PDK1: variants seen among roughly 807,000 people sequenced by gnomAD.
The protein encoded by PDK1 is [Pyruvate dehydrogenase (acetyl-transferring)] kinase isozyme 1, mitochondrial.
Under a neutral mutation model 54.2 loss-of-function variants are expected in PDK1, and 39 were observed. The observed-to-expected ratio is 0.72, with a 90% CI of 0.56 to 0.94. The LOEUF is 0.94. Among genes scored for constraint, PDK1 ranks in the 40% least tolerant of loss-of-function variants. The probability of loss-of-function intolerance (pLI) is 0.00; values close to 1 mark genes in which losing one functional copy is unlikely to be tolerated. For synonymous variants in PDK1, 221 were observed against 207.1 expected (o/e 1.07, Z -0.58); for missense variants, 552 against 566.0 (o/e 0.98, Z 0.25).
In PDK1 at chr2:172,608,080, A is replaced by C. The variant is rs1242701915; in HGVS notation, c.*12111A>C. 3 of 152,206 alleles carry C rather than the reference A, an allele frequency of 2.0e-5. No individual in the cohort carries two copies. Among genetic ancestry groups the C allele is most frequent in the Non-Finnish European group, 2.9e-5 (2 of 68,024 alleles). The allele number at this position is 152,206 out of a possible 1,614,324, so 9.4% of individuals were successfully genotyped here. A position where few individuals can be genotyped will look rare whatever the true frequency, so the allele number is the denominator to read the frequency against. ...CTGACATTGAGACCCTTGATGCAAA[A>C]AGGTAAGTAGAAGAGAAGGCTGTAA... On this transcript the variant is annotated 3_prime_UTR_variant, in exon 11 of 11. Coordinates refer to ENST00000282077, the MANE Select transcript of PDK1 (RefSeq NM_002610.5).
At chr2:172,722,488 A>T in the PDK1 span, among the ~76,000 whole-genome samples, 1 of 152,240 alleles carries the variant, frequency 6.6e-6, no homozygotes, top group African/African-American at 2.4e-5. Flanking sequence ...CGAGAAGCTA[A>T]AAACTAGATG....
Position 172,607,304 on chromosome 2 carries a change from A to G in PDK1, c.*11335A>G, listed in dbSNP as rs1252014327. 1.3e-5 allele frequency: 2 copies of G among 152,242 alleles called. No individual in the cohort carries two copies. The highest frequency in any genetic ancestry group is 2.9e-5 in the Non-Finnish European group (2 of 68,048). The allele number at this position is 152,242 out of a possible 1,614,324, so 9.4% of individuals were successfully genotyped here. ...AGGTTGCTTCTAAAACAAAAATTTG[A>G]AATAGTAAGTGCTTTGATTTTTTTT... On this transcript the variant is annotated 3_prime_UTR_variant, in exon 11 of 11. Transcript: ENST00000282077.
chr2:172,701,368 A>G, the PDK1 span, among the ~76,000 whole-genome samples: 2 of 152,260 alleles, frequency 1.3e-5, no homozygotes, highest in African/African-American at 4.8e-5. Context: ...ACAATGGGCA[A>G]CTGTCCAAAT....
At chr2:172,611,080 G>A (rs2149331062), downstream of PDK1, among the ~76,000 whole-genome samples, 1 of 144,498 alleles carries the variant, frequency 6.9e-6, no homozygotes, top group Non-Finnish European at 1.5e-5. Flanking sequence ...GGTTTTGGTA[G>A]CGTATAAAGC....
chr2:172,711,605 C>T, the PDK1 span, among the ~76,000 whole-genome samples: 1 of 152,068 alleles, frequency 6.6e-6, no homozygotes, highest in African/African-American at 2.4e-5. Context: ...TGGCTTACAC[C>T]TGTAATCCCA....
chr2:172,620,803 A>G, the PDK1 span, among the ~76,000 whole-genome samples: 1 of 152,154 alleles, frequency 6.6e-6, no homozygotes, highest in Non-Finnish European at 1.5e-5. Context: ...TTCCACCATA[A>G]GTAAAAGTTT....
chr2:172,622,766 TGA>T, the PDK1 span, among the ~76,000 whole-genome samples: 2 of 148,370 alleles, frequency 1.3e-5, no homozygotes, highest in Admixed American at 6.8e-5. Flanking sequence ...TCTCATTATG[TGA>T]GATGTTTATA....
At chr2:172,619,117 A>G in the PDK1 span, among the ~76,000 whole-genome samples, 47 of 152,196 alleles carry the variant, frequency 3.1e-4, no homozygotes, top group Admixed American at 1.1e-3. Context: ...CTTGTATGCT[A>G]CCCTCAGGCT....
At chr2:172,704,672 T>C in the PDK1 span, among the ~76,000 whole-genome samples, 7 of 152,198 alleles carry the variant, frequency 4.6e-5, no homozygotes, top group African/African-American at 1.7e-4. Flanking sequence ...TTATGTGCTT[T>C]ATTTTAGCAC....
intron 8 of PDK1, among the ~76,000 whole-genome samples, chr2:172,581,036 A>G (rs972300682): frequency 6.6e-6 from 1 of 151,808 alleles, no homozygotes; most frequent in African/African-American, 2.4e-5. Flanking sequence ...ATATCGATGA[A>G]TATATTAAAA....
At chr2:172,570,698 T>G in intron 7 of PDK1, 28 bp from the exon 8 acceptor site, 1 of 1,336,462 alleles carries the variant, frequency 7.5e-7, no homozygotes, top group Non-Finnish European at 1.1e-6. Context: ...AAAAGCTGTA[T>G]TTTTAATACA....
At chr2:172,630,556 C>T in the PDK1 span, among the ~76,000 whole-genome samples, 1 of 152,238 alleles carries the variant, frequency 6.6e-6, no homozygotes, top group Admixed American at 6.5e-5. Flanking sequence ...TGAGTCTTAT[C>T]TACCATGTCC....
chr2:172,660,363 TCTC>T, the PDK1 span, among the ~76,000 whole-genome samples: 4 of 142,832 alleles, frequency 2.8e-5, no homozygotes, highest in Non-Finnish European at 6.0e-5. Context: ...TTCAAGCAAT[TCTC>T]CTGCCTCAGC....
At chr2:172,637,852 C>T in the PDK1 span, among the ~76,000 whole-genome samples, 88 of 152,192 alleles carry the variant, frequency 5.8e-4, 1 homozygote, top group Non-Finnish European at 4.7e-4. Flanking sequence ...CACACCACCA[C>T]GCCCAGCTAA....
the PDK1 span, among the ~76,000 whole-genome samples, chr2:172,720,515 G>C: frequency 1.3e-5 from 2 of 152,116 alleles, no homozygotes; most frequent in African/African-American, 4.8e-5. Context: ...GACTGCTATT[G>C]CTTGTTACCC....
chr2:172,627,630 C>G, the PDK1 span, among the ~76,000 whole-genome samples: 10 of 152,088 alleles, frequency 6.6e-5, no homozygotes, highest in Non-Finnish European at 1.5e-4. Context: ...TGGGCCCCCC[C>G]GAAGCATGGA....
intron 2 of PDK1, among the ~76,000 whole-genome samples, chr2:172,560,640 AC>A (rs1384903515): frequency 1.3e-5 from 2 of 152,340 alleles, no homozygotes; most frequent in African/African-American, 4.8e-5. Flanking sequence ...TTTTTAATAA[AC>A]TGTGTTTATT....
chr2:172,556,010 G>A (rs1415910076), upstream of PDK1: 20 of 533,762 alleles, frequency 3.7e-5, no homozygotes, highest in Non-Finnish European at 5.3e-5. Flanking sequence ...GCAGGGGGCC[G>A]GGCTCCGGCT....
rs754235800 is a variant in PDK1 at position 172,558,803 on chromosome 2, C to G, written c.292C>G (p.Pro98Ala). 1 of 1,611,746 alleles carries G rather than the reference C, an allele frequency of 6.2e-7. No individual in the cohort carries two copies. The highest frequency in any genetic ancestry group is 8.5e-7 in the Non-Finnish European group (1 of 1,179,078). Reference sequence around the variant, plus strand: ...TATAATGAAAGAAATAAGTCTCCTTCCAGATAATCTTCTCAGGACACCATC... The same window carrying G: ...TATAATGAAAGAAATAAGTCTCCTTGCAGATAATCTTCTCAGGACACCATC... ...ANIMKEISLLPDNLLRTPSVQ... is the reference protein window; with the variant it reads ...ANIMKEISLLADNLLRTPSVQ... The change falls in exon 2 of 11, where the codon CCA becomes GCA. Residue 98 changes from proline (P) to alanine (A), a missense_variant. Transcript: ENST00000282077.
Sources: gnomAD v4.1 joint callset for allele counts (sites outside exome capture counted in the v4.1 genomes callset) on GRCh38, gnomAD v4.1.1 for gene constraint, MANE v1.5 for transcripts, NCBI Gene and HGNC (gene_info 2026-07-23, HGNC 2026-07-21) for gene names.